ARHGEF1: variants seen among roughly 807,000 people sequenced by gnomAD.
ARHGEF1 encodes the protein Rho guanine nucleotide exchange factor 1.
A neutral mutation model predicts 119.7 loss-of-function variants in ARHGEF1; 40 were observed. That is an observed-to-expected ratio of 0.33 (90% CI 0.26 to 0.44). The LOEUF is 0.44. ARHGEF1 is among the 20% of genes least tolerant of loss of function. The probability of loss-of-function intolerance (pLI) is 1.00; values close to 1 mark genes in which losing one functional copy is unlikely to be tolerated. For missense variants in ARHGEF1, 976 were observed against 1,268.3 expected (o/e 0.77, Z 3.50); for synonymous variants, 494 against 521.0 (o/e 0.95, Z 0.71).
chr19:41,899,698 G>A (rs907333036), intron 14 of ARHGEF1, among the ~76,000 whole-genome samples: 5 of 151,584 alleles, frequency 3.3e-5, no homozygotes, highest in East Asian at 3.9e-4. Context: ...TAGTAGAGAC[G>A]GGGTTTCTCC....
In ARHGEF1 at chr19:41,893,359, A is replaced by G. The variant is rs147308449; in HGVS notation, c.644+56A>G. 12,950 of 1,156,352 alleles carry G rather than the reference A, an allele frequency of 0.011. 434 individuals are homozygous for G. In the East Asian group the frequency reaches 0.16, roughly 14 times the overall value. The allele number at this position is 1,156,352 out of a possible 1,614,324, so 71.6% of individuals were successfully genotyped here. On this transcript the variant is annotated intron_variant, in intron 8 of 28. Transcript: ENST00000354532. ...CTGGGTTTGAGGGAGGAGGGGGCTG[A>G]GGGCCTGGACTCCTGGGTCTGAGGG...
At chr19:41,897,936 C>T (rs530469064) in intron 13 of ARHGEF1, 299 of 1,300,242 alleles carry the variant, frequency 2.3e-4, no homozygotes, top group South Asian at 1.3e-3. Context: ...TCCTTGGCCT[C>T]GGGGTCCAGG....
In ARHGEF1 at chr19:41,917,128, CT is replaced by C. The variant is rs1435036054; in HGVS notation, c.1866-5961del. On this transcript the variant is annotated intron_variant, in intron 18 of 20. Coordinates refer to the ARHGEF1 transcript ENST00000599589. The surrounding 1 kb of genome is among the most constrained non-coding windows in gnomAD (Gnocchi z 4.8). ...TCAGCCCCTTCGGGTGTCGGCGCATCTTTCTGTCTGTCTCTGTCACTGAGGG... is the reference window on the plus strand; with the variant it reads ...TCAGCCCCTTCGGGTGTCGGCGCATCTTCTGTCTGTCTCTGTCACTGAGGG... Among the ~76,000 whole-genome samples the C allele has an allele frequency of 6.6e-6, 1 of 152,168 alleles. No individual in the cohort carries two copies. The highest frequency in any genetic ancestry group is 1.5e-5 in the Non-Finnish European group (1 of 68,036).
chr19:41,927,090 G>T (rs2074876189), intron 1 of ARHGEF1, among the ~76,000 whole-genome samples: 1 of 152,084 alleles, frequency 6.6e-6, no homozygotes, highest in Admixed American at 6.5e-5. Context: ...AGAGAGAGAT[G>T]CTGTGAGAGA....
chr19:41,897,956 C>T (rs1207117737), intron 13 of ARHGEF1: 5 of 1,313,840 alleles, frequency 3.8e-6, no homozygotes, highest in South Asian at 4.6e-5. Flanking sequence ...GCTATCAGGG[C>T]GTCTGGGGCG....
rs2074614166 is a variant in ARHGEF1, at chr19:41,902,143, G to C, written c.1414+110G>C. The C allele has an allele frequency of 8.3e-6, 13 of 1,557,670 alleles. No homozygotes were observed. The highest frequency in any genetic ancestry group is 1.1e-5 in the Non-Finnish European group (13 of 1,142,464). Reference sequence around the variant, plus strand: ...ACCCCAGGGTTCACATGGGGTGGGGGCAGATACGCCATCCGGTCCCGAGGA... The same window carrying C: ...ACCCCAGGGTTCACATGGGGTGGGGCCAGATACGCCATCCGGTCCCGAGGA... On this transcript the variant is annotated intron_variant, in intron 15 of 28. Transcript: ENST00000354532. The surrounding 1 kb of genome is among the most constrained non-coding windows in gnomAD (Gnocchi z 6.5).
In ARHGEF1 at chr19:41,888,420, C is replaced by T. The variant is rs139886016; in HGVS notation, c.111+142C>T. The T allele has an allele frequency of 2.0e-4, 162 of 791,214 alleles. 2 individuals are homozygous for T. The African/African-American group carries it at 2.5e-3, about 12-fold the overall frequency. 49.0% of individuals were successfully genotyped at this position (791,214 alleles called of 1,614,324 possible). A position where few individuals can be genotyped will look rare whatever the true frequency, so the allele number is the denominator to read the frequency against. On this transcript the variant is annotated intron_variant, in intron 3 of 28. Transcript: ENST00000354532. The surrounding 1 kb of genome is among the most constrained non-coding windows in gnomAD (Gnocchi z 5.1). ...CATCTCCCTGGTACCTCCTTCCTCA[C>T]CTCGCCGACCCCACACAGCAGCATA...
rs781793791 is a variant in ARHGEF1, at chr19:41,902,797, G to A, written c.1637G>A (p.Arg546His). Residue 546 changes from arginine (R) to histidine (H), a missense_variant, in exon 18 of 29, where the codon CGC becomes CAC. By Grantham distance (29) the Arg-to-His change is conservative. Around this residue, in one of 3 missense-constraint regions of ARHGEF1, gnomAD observed 286 missense variants for 506.8 expected, o/e 0.56. Transcript: ENST00000354532. The surrounding 1 kb of genome is among the most constrained non-coding windows in gnomAD (Gnocchi z 6.5). ...TGTTTCCCGCAGGAAGCTGAGAGCC[G>A]CCCGCGGTGCCGCCGCCTGCAGCTG... ...FCAFVQEAES[R>H]PRCRRLQLKD... The A allele has an allele frequency of 3.3e-5, 54 of 1,612,762 alleles. No homozygotes were observed. Among genetic ancestry groups the A allele is most frequent in the Non-Finnish European group, 4.2e-5 (49 of 1,179,976 alleles).
downstream of ARHGEF1, chr19:41,909,940 G>A (rs1219199511): frequency 2.5e-5 from 41 of 1,613,762 alleles, no homozygotes; most frequent in Admixed American, 1.0e-4. This position sits in a 1 kb window ranked among gnomAD's most constrained non-coding sequence, Gnocchi z 5.2. Flanking sequence ...CCACCTCATC[G>A]GGGTCTTTGA....
chr19:41,901,085 G>A (rs535770233), intron 14 of ARHGEF1, among the ~76,000 whole-genome samples: 61 of 149,642 alleles, frequency 4.1e-4, no homozygotes, highest in South Asian at 2.6e-3. Flanking sequence ...CACTGCACCC[G>A]GCCCCTCAGT....
chr19:41,916,838 C>G lies in ARHGEF1; in HGVS notation c.1866-6254C>G, dbSNP rs572021919. ...CACCAAGATCACGGACCCAAACATACGACCGACAGCGGCCCCTGCAGAGGT... is the reference window on the plus strand; with the variant it reads ...CACCAAGATCACGGACCCAAACATAGGACCGACAGCGGCCCCTGCAGAGGT... On this transcript the variant is annotated intron_variant, in intron 18 of 20. Coordinates refer to the ARHGEF1 transcript ENST00000599589. This position sits in a 1 kb window ranked among gnomAD's most constrained non-coding sequence, Gnocchi z 5.4. Among the ~76,000 whole-genome samples the G allele has an allele frequency of 2.4e-5, 3 of 127,366 alleles. No homozygotes were observed. Among genetic ancestry groups the G allele is most frequent in the Non-Finnish European group, 4.4e-5 (3 of 67,576 alleles). 83.6% of individuals were successfully genotyped at this position (127,366 alleles called of 152,430 possible). A position where few individuals can be genotyped will look rare whatever the true frequency, so the allele number is the denominator to read the frequency against.
At chr19:41,887,938 G>A (rs895129051) in intron 1 of ARHGEF1, 126 bp from the exon 2 acceptor site, 3 of 1,102,900 alleles carry the variant, frequency 2.7e-6, no homozygotes, top group African/African-American at 3.3e-5. Context: ...AGGCCCCATT[G>A]AGCTGCGGAG....
At chr19:41,923,572 G>T (rs1320867304) in intron 1 of ARHGEF1, among the ~76,000 whole-genome samples, 1 of 146,606 alleles carries the variant, frequency 6.8e-6, no homozygotes, top group African/African-American at 2.6e-5. Context: ...AAGGAGACAG[G>T]GGCAGGTGGT....
At chr19:41,912,988 G>C (rs1036168085) in intron 18 of ARHGEF1, 1 of 829,758 alleles carries the variant, frequency 1.2e-6, no homozygotes. Flanking sequence ...GACAGACACA[G>C]GTCAGCCAGC....
intron 13 of ARHGEF1, chr19:41,897,813 C>T (rs2074537421): frequency 1.0e-6 from 1 of 968,680 alleles, no homozygotes; most frequent in Non-Finnish European, 1.4e-6. Flanking sequence ...CCTCTCCCCA[C>T]CTCTGTCCCT....
At position 41,906,086 on chromosome 19, in the gene ARHGEF1, A is replaced by AGTTG; in HGVS notation, c.2491+62_2491+63insTTGG. On this transcript the variant is annotated intron_variant, in intron 26 of 28. Transcript: ENST00000354532. This position sits in a 1 kb window ranked among gnomAD's most constrained non-coding sequence, Gnocchi z 4.5. ...CCCAAACAGTGCCTCTGTTCCAACT[A>AGTTG]GAACAAGGCTCTCCACGTCAAAAAT... 1 of 1,469,982 alleles carries AGTTG rather than the reference A, an allele frequency of 6.8e-7. No homozygotes were observed. The highest frequency in any genetic ancestry group is 9.5e-7 in the Non-Finnish European group (1 of 1,057,062). 91.1% of individuals were successfully genotyped at this position (1,469,982 alleles called of 1,614,324 possible).
chr19:41,897,224 G>A (rs995380719), intron 13 of ARHGEF1: 2 of 1,239,686 alleles, frequency 1.6e-6, no homozygotes, highest in Admixed American at 4.7e-5. Flanking sequence ...CCGTCCTTGT[G>A]CCGCTGCTTT....
At chr19:41,887,936 T>C (rs1204567351) in intron 1 of ARHGEF1, 128 bp from the exon 2 acceptor site, 2 of 1,064,190 alleles carry the variant, frequency 1.9e-6, no homozygotes, top group Non-Finnish European at 2.6e-6. Context: ...AGAGGCCCCA[T>C]TGAGCTGCGG....
At chr19:41,908,454 G>A (rs781811549), downstream of ARHGEF1, 659 of 1,231,376 alleles carry the variant, frequency 5.4e-4, no homozygotes, top group Non-Finnish European at 6.5e-4. The surrounding 1 kb of genome is among the most constrained non-coding windows in gnomAD (Gnocchi z 6.7). Flanking sequence ...CTCCCCTGTC[G>A]AGGCCAGCAG....
Sources: gnomAD v4.1 joint callset for allele counts (sites outside exome capture counted in the v4.1 genomes callset) on GRCh38, gnomAD v4.1.1 for gene constraint, gnomAD v4.1.1 regional missense constraint, Gnocchi (gnomAD v3.1) non-coding constraint, MANE v1.5 for transcripts, NCBI Gene and HGNC (gene_info 2026-07-23, HGNC 2026-07-21) for gene names.